Variants in CD58 observed in about 807,000 individuals in gnomAD.
CD58 encodes the protein lymphocyte function-associated antigen 3.
In CD58, 14 loss-of-function variants were observed where a neutral mutation model predicts 27.6. That is an observed-to-expected ratio of 0.51 (90% confidence interval 0.34 to 0.79). CD58 has a LOEUF of 0.79. Ranked by LOEUF, CD58 falls within the 30% of genes least tolerant of loss-of-function variation. CD58 has a pLI of 0.02. For missense variants in CD58, 268 were observed against 301.7 expected (o/e 0.89, Z 0.83); for synonymous variants, 117 against 103.8 (o/e 1.13, Z -0.77).
In CD58 at chr1:116,536,185, T is replaced by G. The variant is rs1268183727; in HGVS notation, c.408A>C (p.Gly136=). The G allele has an allele frequency of 2.5e-6, 4 of 1,612,952 alleles. No individual in the cohort carries two copies. The African/African-American group carries it at 5.3e-5, about 22-fold the overall frequency. The stretch of plus-strand genomic sequence containing the variant: ...GTATCATGCATTGGACTTCAATGCT[T>G]CCATTAGTCAATGCACAAGTTAGTG... ...SPTLTCALTN[G]SIEVQCMIPE... is the part of the protein sequence containing the mutation. The change falls in exon 3 of 6, where the codon GGA becomes GGC. Residue 136 remains glycine, a synonymous_variant. Transcript: ENST00000369489. The surrounding 1 kb of genome is among the most constrained non-coding windows in gnomAD (Gnocchi z 5.4).
Position 116,532,927 on chromosome 1 carries a change from CT to C in CD58, c.628+3037del. The stretch of plus-strand genomic sequence containing the variant: ...GACAGCCGGTCTGCCAGGCGCCCAC[CT>C]CCACTTCCTACTGCTGCTTGCATTC... On this transcript the variant is annotated intron_variant, in intron 3 of 5. Transcript: ENST00000369489. The surrounding 1 kb of genome is among the most constrained non-coding windows in gnomAD (Gnocchi z 5.1). The C allele has an allele frequency of 9.4e-7, 1 of 1,068,774 alleles. No homozygotes were observed. Among genetic ancestry groups the C allele is most frequent in the Non-Finnish European group, 1.4e-6 (1 of 727,858 alleles). 66.2% of individuals were successfully genotyped at this position (1,068,774 alleles called of 1,614,324 possible). A position where few individuals can be genotyped will look rare whatever the true frequency, so the allele number is the denominator to read the frequency against.
In CD58 at chr1:116,524,403, G is replaced by A. The variant is rs1557832953; in HGVS notation, c.629-2420C>T. The stretch of plus-strand genomic sequence containing the variant: ...GCTACAGGACTGGCTCTTGTTTCTA[G>A]AACATTTCAATGGACAGAACCAGGA... On this transcript the variant is annotated intron_variant, in intron 3 of 5. Coordinates refer to ENST00000369489, the MANE Select transcript of CD58 (RefSeq NM_001779.3). The surrounding 1 kb of genome is among the most constrained non-coding windows in gnomAD (Gnocchi z 4.6). Among the ~76,000 whole-genome samples, 1 of 152,142 alleles carries A rather than the reference G, an allele frequency of 6.6e-6. No individual in the cohort carries two copies. Among genetic ancestry groups the A allele is most frequent in the East Asian group, 1.9e-4 (1 of 5,198 alleles).
At chr1:116,518,966 G>T in intron 5 of CD58, 3 of 991,228 alleles carry the variant, frequency 3.0e-6, no homozygotes, top group Non-Finnish European at 4.2e-6. Context: ...TCTCATATGC[G>T]CTGTCTCTAA....
chr1:116,544,630 G>C, intron 1 of CD58, 26 bp from the exon 2 acceptor site: 2 of 1,511,130 alleles, frequency 1.3e-6, no homozygotes, highest in South Asian at 2.5e-5. Flanking sequence ...AAATTGGTTA[G>C]AAAAAACAAC....
In CD58 at chr1:116,517,715, TTTTC is replaced by T. The variant is rs1657128552; in HGVS notation, c.743+1512_743+1515del. Among the ~76,000 whole-genome samples the T allele has an allele frequency of 6.6e-6, 1 of 152,176 alleles. No individual in the cohort carries two copies. The highest frequency in any genetic ancestry group is 1.5e-5 in the Non-Finnish European group (1 of 68,028). ...TTCCCATCACCCTAGGGCATCTAGC[TTTTC>T]TTTCTTAGTGACCTCAGGTGCTCAC... On this transcript the variant is annotated intron_variant, in intron 5 of 5. Transcript: ENST00000369489. The surrounding 1 kb of genome is among the most constrained non-coding windows in gnomAD (Gnocchi z 6.5).
At chr1:116,562,521 T>A (rs1658789316) in intron 1 of CD58, among the ~76,000 whole-genome samples, 1 of 152,088 alleles carries the variant, frequency 6.6e-6, no homozygotes, top group Non-Finnish European at 1.5e-5. Context: ...ATTAGTCCAT[T>A]CTCGCACTGC....
chr1:116,521,856 G>A lies in CD58; in HGVS notation c.706+50C>T, dbSNP rs1368390252. On this transcript the variant is annotated intron_variant, in intron 4 of 5. Coordinates refer to ENST00000369489, the MANE Select transcript of CD58 (RefSeq NM_001779.3). The surrounding 1 kb of genome is among the most constrained non-coding windows in gnomAD (Gnocchi z 5.6). ...ATCCTTAAACTATTTTCTGACCTTT[G>A]GAAAACAATGCAAGTTTTCAAACTA... The A allele has an allele frequency of 1.9e-6, 2 of 1,034,828 alleles. No individual in the cohort carries two copies. The highest frequency in any genetic ancestry group is 3.0e-6 in the Non-Finnish European group (2 of 673,206). The allele number at this position is 1,034,828 out of a possible 1,614,324, so 64.1% of individuals were successfully genotyped here.
intron 2 of CD58, among the ~76,000 whole-genome samples, chr1:116,543,700 A>G (rs983270609): frequency 6.6e-6 from 1 of 152,082 alleles, no homozygotes; most frequent in African/African-American, 2.4e-5. Flanking sequence ...AGGCGGGTGG[A>G]TCACCTGAGC....
At chr1:116,539,188 A>G (rs758518) in intron 2 of CD58, among the ~76,000 whole-genome samples, 24,647 of 152,182 alleles carry the variant, frequency 0.16, 2,759 homozygotes, top group East Asian at 0.57. Flanking sequence ...GCTGTAATAG[A>G]GCACACGGCC....
chr1:116,539,041 C>T (rs891585634), intron 2 of CD58, among the ~76,000 whole-genome samples: 3 of 152,170 alleles, frequency 2.0e-5, no homozygotes, highest in Non-Finnish European at 4.4e-5. Flanking sequence ...GTCTAGGTTT[C>T]CTCCTCTCTA....
At chr1:116,529,113 T>C (rs1313643211) in intron 3 of CD58, among the ~76,000 whole-genome samples, 1 of 152,240 alleles carries the variant, frequency 6.6e-6, no homozygotes, top group Non-Finnish European at 1.5e-5. Flanking sequence ...CAGTAAGCAA[T>C]GAAATCAGGT....
chr1:116,515,458 G>A lies in CD58; in HGVS notation c.744-636C>T, dbSNP rs1162942145. 6.6e-6 allele frequency among the ~76,000 whole-genome samples: 1 copy of A among 152,176 alleles called. No homozygotes were observed. The highest frequency in any genetic ancestry group is 1.5e-5 in the Non-Finnish European group (1 of 68,024). On this transcript the variant is annotated intron_variant, in intron 5 of 5. Transcript: ENST00000369489. The surrounding 1 kb of genome is among the most constrained non-coding windows in gnomAD (Gnocchi z 4.6). ...GAGAAATTAGTGCTGTGGTCACAGG[G>A]GTGAGGTAAAGGACAGCAAACTAGA... is the stretch of plus-strand genomic sequence containing the variant.
chr1:116,519,504 A>G lies in CD58; in HGVS notation c.707-237T>C, dbSNP rs1657199202. ...AACCAAATGCAAAAACTGTTGACAAAATGGCTAATTTTACCTCGTGCATAA... is the reference window on the plus strand; with the variant it reads ...AACCAAATGCAAAAACTGTTGACAAGATGGCTAATTTTACCTCGTGCATAA... On this transcript the variant is annotated intron_variant, in intron 4 of 5. Coordinates refer to ENST00000369489, the MANE Select transcript of CD58 (RefSeq NM_001779.3). This position sits in a 1 kb window ranked among gnomAD's most constrained non-coding sequence, Gnocchi z 4.7. Among the ~76,000 whole-genome samples, 1 of 152,232 alleles carries G rather than the reference A, an allele frequency of 6.6e-6. No individual in the cohort carries two copies. The highest frequency in any genetic ancestry group is 1.5e-5 in the Non-Finnish European group (1 of 68,032).
chr1:116,526,091 T>A (rs1213587775), intron 3 of CD58, among the ~76,000 whole-genome samples: 1 of 152,236 alleles, frequency 6.6e-6, no homozygotes, highest in African/African-American at 2.4e-5. Context: ...ATATTTTGGA[T>A]AACAGTCTTT....
At position 116,550,361 on chromosome 1, in the gene CD58, T is replaced by G; in HGVS notation, c.71-5757A>C. On this transcript the variant is annotated intron_variant, in intron 1 of 5. Coordinates refer to ENST00000369489, the MANE Select transcript of CD58 (RefSeq NM_001779.3). This position sits in a 1 kb window ranked among gnomAD's most constrained non-coding sequence, Gnocchi z 4.2. ...TTTATGTAATACTCTTAACCCTTTG[T>G]TGTCATTTAAACAATGTTCACAGCA... is the stretch of plus-strand genomic sequence containing the variant. 6.6e-6 allele frequency among the ~76,000 whole-genome samples: 1 copy of G among 152,242 alleles called. No individual in the cohort carries two copies. Among genetic ancestry groups the G allele is most frequent in the East Asian group, 1.9e-4 (1 of 5,202 alleles).
intron 1 of CD58, among the ~76,000 whole-genome samples, chr1:116,566,050 T>G (rs1658922347): frequency 6.6e-6 from 1 of 152,250 alleles, no homozygotes; most frequent in Admixed American, 6.5e-5. Context: ...TAGTATTGCA[T>G]ATTCACTGGG....
Position 116,544,505 on chromosome 1 carries a change from T to C in CD58, c.170A>G (p.Lys57Arg), listed in dbSNP as rs751381192. 2 of 1,614,042 alleles carry C rather than the reference T, an allele frequency of 1.2e-6. No homozygotes were observed. The highest frequency in any genetic ancestry group is 1.7e-6 in the Non-Finnish European group (2 of 1,179,886). The change falls in exon 2 of 6, where the codon AAA becomes AGA. Residue 57 changes from lysine to arginine, a missense_variant. By Grantham distance (26) the Lys-to-Arg change is conservative. Coordinates refer to ENST00000369489, the MANE Select transcript of CD58 (RefSeq NM_001779.3). ...TTCTGCAACTTTATCCTTTTGTTTTTTCCATAGGACCTCTTTTAAAGGCAC... is the reference window on the plus strand; with the variant it reads ...TTCTGCAACTTTATCCTTTTGTTTTCTCCATAGGACCTCTTTTAAAGGCAC... ...SNVPLKEVLW[K>R]KQKDKVAELE... is the part of the protein sequence containing the mutation.
rs143119900 is a variant in CD58 at position 116,563,257 on chromosome 1, G to A, written c.70+7646C>T. ...AGATGGGCTCCCACAACCTTGGGCA[G>A]CTCTTCCCCTGTGGCTTTGCAGGGT... On this transcript the variant is annotated intron_variant, in intron 1 of 5. Transcript: ENST00000369489. This position sits in a 1 kb window ranked among gnomAD's most constrained non-coding sequence, Gnocchi z 4.1. Among the ~76,000 whole-genome samples the A allele has an allele frequency of 3.0e-3, 458 of 152,274 alleles. 3 individuals are homozygous for A. The highest frequency in any genetic ancestry group is 0.01 in the African/African-American group (427 of 41,560).
intron 1 of CD58, among the ~76,000 whole-genome samples, chr1:116,558,756 GTAA>G (rs1386913188): frequency 6.6e-6 from 1 of 152,228 alleles, no homozygotes; most frequent in Non-Finnish European, 1.5e-5. Context: ...CTCAGCCTCA[GTAA>G]TAATATTTAA....
Sources: gnomAD v4.1 joint callset for allele counts (sites outside exome capture counted in the v4.1 genomes callset) on GRCh38, gnomAD v4.1.1 for gene constraint, Gnocchi (gnomAD v3.1) non-coding constraint, MANE v1.5 for transcripts, NCBI Gene and HGNC (gene_info 2026-07-23, HGNC 2026-07-21) for gene names.